The following RORA variants were observed in gnomAD, a reference collection of about 807,000 sequenced individuals.
The protein encoded by RORA is RAR related orphan receptor A.
RORA carries 7 observed loss-of-function variants against 69.5 expected under a neutral mutation model. The ratio of observed to expected loss-of-function variants is 0.10; its 90% CI spans 0.06 to 0.19. The LOEUF is 0.19. RORA is among the 10% of genes least tolerant of loss of function. RORA has a pLI of 1.00. For missense variants in RORA, 457 were observed against 663.0 expected, an observed-to-expected ratio of 0.69 and a Z score of 3.41; for synonymous variants, 261 against 240.8, an observed-to-expected ratio of 1.08 and a Z score of -0.78.
chr15:61,042,092 T>C (rs889990311), intron 1 of RORA, among the ~76,000 whole-genome samples: 2 of 152,184 alleles, frequency 1.3e-5, no homozygotes, highest in Non-Finnish European at 2.9e-5. Context: ...TTGGCCTTTT[T>C]CCAAAGGCTA....
At position 61,110,792 on chromosome 15, in the gene RORA, C is replaced by T. The variant is rs183567857; in HGVS notation, c.166+118261G>A. 6.7e-4 allele frequency among the ~76,000 whole-genome samples: 102 copies of T among 152,314 alleles called. 1 individual carries two copies. Among genetic ancestry groups the T allele is most frequent in the African/African-American group, 2.3e-3 (97 of 41,574 alleles). On this transcript the variant is annotated intron_variant, in intron 1 of 10. Coordinates refer to ENST00000335670, the MANE Select transcript of RORA (RefSeq NM_134261.3). ...TCTTGTTGGACCTTAAATGTCACTT[C>T]CCTGCACTAACCTTCCCTGAGCTCC...
At chr15:61,101,908 T>C (rs886566036) in intron 1 of RORA, among the ~76,000 whole-genome samples, 2 of 152,042 alleles carry the variant, frequency 1.3e-5, no homozygotes, top group Non-Finnish European at 2.9e-5. Context: ...AGAATCCATA[T>C]GAGACAGAGG....
At chr15:60,688,976 G>A (rs1376052889) in intron 1 of RORA, among the ~76,000 whole-genome samples, 2 of 152,198 alleles carry the variant, frequency 1.3e-5, no homozygotes, top group Non-Finnish European at 2.9e-5. Flanking sequence ...CAAGGCAGGA[G>A]TGAGCCCTTT....
At chr15:60,843,575 T>G (rs563785508) in intron 1 of RORA, among the ~76,000 whole-genome samples, 4 of 152,262 alleles carry the variant, frequency 2.6e-5, no homozygotes, top group African/African-American at 9.6e-5. Flanking sequence ...AAGGGCAAGA[T>G]GAGTTACAAG....
Position 60,516,108 on chromosome 15 carries a change from TTATA to T in RORA, c.283-1355_283-1352del, listed in dbSNP as rs2065911278. On this transcript the variant is annotated intron_variant, in intron 3 of 10. Transcript: ENST00000335670. ...ATATATATTTATATATATTTATATATTATATTATATATATTATATTAAATATATT... is the reference window on the plus strand; with the variant it reads ...ATATATATTTATATATATTTATATATTTATATATATTATATTAAATATATT... Among the ~76,000 whole-genome samples the T allele has an allele frequency of 4.4e-5, 3 of 68,360 alleles. 1 individual carries two copies. Among genetic ancestry groups the T allele is most frequent in the Non-Finnish European group, 8.0e-5 (3 of 37,342 alleles). The allele number at this position is 68,360 out of a possible 152,430, so 44.8% of individuals were successfully genotyped here.
intron 1 of RORA, among the ~76,000 whole-genome samples, chr15:60,710,758 G>T (rs1191624573): frequency 6.6e-6 from 1 of 152,184 alleles, no homozygotes; most frequent in Non-Finnish European, 1.5e-5. Flanking sequence ...TTTCTGGACA[G>T]CTCCTGTGGT....
chr15:61,071,563 A>G (rs1368400493), intron 1 of RORA, among the ~76,000 whole-genome samples: 1 of 19,394 alleles, frequency 5.2e-5, no homozygotes, highest in Non-Finnish European at 9.2e-5. Context: ...GGGAAAGGGG[A>G]GGGGTAGGGA....
At chr15:60,558,232 C>T (rs761013226) in intron 2 of RORA, 9 of 1,609,442 alleles carry the variant, frequency 5.6e-6, no homozygotes, top group East Asian at 2.2e-5. Flanking sequence ...TACACAGACG[C>T]CAGTAAGAAC....
chr15:60,629,626 C>G (rs915678554), intron 2 of RORA, among the ~76,000 whole-genome samples: 21 of 152,138 alleles, frequency 1.4e-4, no homozygotes, highest in African/African-American at 5.1e-4. Context: ...CAAGAGTGAA[C>G]TGGGTAGGCA....
Position 60,899,836 on chromosome 15 carries a change from C to T in RORA, c.167-221150G>A, listed in dbSNP as rs573844530. Reference sequence around the variant, plus strand: ...GAATATCCATTATACAAATGTCAGACCACAAAGTCAAACTCTTTGTTGAGA... The same window carrying T: ...GAATATCCATTATACAAATGTCAGATCACAAAGTCAAACTCTTTGTTGAGA... On this transcript the variant is annotated intron_variant, in intron 1 of 10. Transcript: ENST00000335670. Among the ~76,000 whole-genome samples, 17 of 152,328 alleles carry T rather than the reference C, an allele frequency of 1.1e-4. No homozygotes were observed. The South Asian group carries it at 3.1e-3, about 28-fold the overall frequency.
At chr15:60,525,690 C>A (rs1249546453) in intron 3 of RORA, among the ~76,000 whole-genome samples, 1 of 152,146 alleles carries the variant, frequency 6.6e-6, no homozygotes, top group Non-Finnish European at 1.5e-5. Flanking sequence ...TCCAGTACAA[C>A]TAAAAATTTG....
chr15:61,044,322 C>G (rs1896923905), intron 1 of RORA, among the ~76,000 whole-genome samples: 1 of 152,162 alleles, frequency 6.6e-6, no homozygotes, highest in Non-Finnish European at 1.5e-5. Context: ...CTGCTCCTCT[C>G]AGAGACACCT....
intron 1 of RORA, among the ~76,000 whole-genome samples, chr15:61,197,237 T>C (rs1171546963): frequency 6.6e-6 from 1 of 152,206 alleles, no homozygotes; most frequent in East Asian, 1.9e-4. Flanking sequence ...TAAAGGCACT[T>C]AGGGGGCCTA....
In RORA at chr15:60,883,150, AAGAAAGAG is replaced by A. The variant is rs1274636915; in HGVS notation, c.167-204472_167-204465del. Among the ~76,000 whole-genome samples the A allele has an allele frequency of 1.2e-3, 58 of 48,624 alleles. 1 individual carries two copies. The highest frequency in any genetic ancestry group is 3.2e-3 in the African/African-American group (39 of 12,068). The allele number at this position is 48,624 out of a possible 152,430, so 31.9% of individuals were successfully genotyped here. A position where few individuals can be genotyped will look rare whatever the true frequency, so the allele number is the denominator to read the frequency against. On this transcript the variant is annotated intron_variant, in intron 1 of 10. Coordinates refer to ENST00000335670, the MANE Select transcript of RORA (RefSeq NM_134261.3). ...CGTCTCAAAAAAAAAAAAAAAAAAA[AAGAAAGAG>A]AGAGAGAGAGAGAGAGAGAGAGAGA...
At chr15:60,811,015 T>C (rs190537469) in intron 1 of RORA, among the ~76,000 whole-genome samples, 243 of 152,296 alleles carry the variant, frequency 1.6e-3, no homozygotes, top group African/African-American at 5.7e-3. Flanking sequence ...TGCTTAGAGA[T>C]AAACATCTGG....
chr15:60,729,043 G>A (rs1305846050), intron 1 of RORA, among the ~76,000 whole-genome samples: 1 of 152,072 alleles, frequency 6.6e-6, no homozygotes, highest in Non-Finnish European at 1.5e-5. Flanking sequence ...TTTATTCTAG[G>A]TGTAATTACC....
intron 1 of RORA, among the ~76,000 whole-genome samples, chr15:60,737,314 A>G (rs943406863): frequency 7.2e-5 from 11 of 152,212 alleles, no homozygotes; most frequent in Non-Finnish European, 1.5e-4. Context: ...TCAGGCAGAC[A>G]ATTCCTATGT....
intron 1 of RORA, among the ~76,000 whole-genome samples, chr15:60,820,438 C>T (rs984883968): frequency 8.5e-5 from 13 of 152,128 alleles, no homozygotes; most frequent in African/African-American, 3.1e-4. Flanking sequence ...AAGAAACGGA[C>T]AGACCCTTGA....
At chr15:60,710,831 G>GC (rs527704577) in intron 1 of RORA, among the ~76,000 whole-genome samples, 173 of 152,226 alleles carry the variant, frequency 1.1e-3, no homozygotes, top group Non-Finnish European at 1.8e-3. Flanking sequence ...GGGAGGGAGG[G>GC]CCCCGCATGA....
Sources: gnomAD v4.1 joint callset for allele counts (sites outside exome capture counted in the v4.1 genomes callset) on GRCh38, gnomAD v4.1.1 for gene constraint, MANE v1.5 for transcripts, NCBI Gene and HGNC (gene_info 2026-07-23, HGNC 2026-07-21) for gene names.